ACP7: variants seen among roughly 807,000 people sequenced by gnomAD.
The protein encoded by ACP7 is acid phosphatase type 7.
A neutral mutation model predicts 60.6 loss-of-function variants in ACP7; 58 were observed. The observed-to-expected ratio is 0.96, with a 90% confidence interval of 0.77 to 1.19. The LOEUF is 1.19. Among genes scored for constraint, ACP7 ranks in the 50% most tolerant of loss-of-function variants. The pLI, the probability that ACP7 is intolerant of heterozygous loss-of-function variation, is 0.00. For synonymous variants in ACP7, 237 were observed against 232.6 expected (o/e 1.02, Z -0.17); for missense variants, 574 against 596.2 (o/e 0.96, Z 0.39).
At position 39,101,146 on chromosome 19, in the gene ACP7, C is replaced by T; in HGVS notation, c.916-4C>T. On this transcript the variant is annotated splice_region_variant and splice_polypyrimidine_tract_variant and intron_variant, in intron 8 of 12. Coordinates refer to ENST00000331256, the MANE Select transcript of ACP7 (RefSeq NM_001004318.3). Reference sequence around the variant, plus strand: ...ACCCTCACCCGCTCATTCACCCTGCCCAGGTCCGCAAAGGCCTCCAAGGCA... The same window carrying T: ...ACCCTCACCCGCTCATTCACCCTGCTCAGGTCCGCAAAGGCCTCCAAGGCA... 6.2e-7 allele frequency: 1 copy of T among 1,614,098 alleles called. No individual in the cohort carries two copies.
At chr19:39,109,432 G>A (rs773773023) in intron 12 of ACP7, among the ~76,000 whole-genome samples, 4 of 152,096 alleles carry the variant, frequency 2.6e-5, no homozygotes, top group Non-Finnish European at 5.9e-5. Context: ...GAGGGTGGAT[G>A]CGCTGGCCAG....
At chr19:39,098,354 C>A in intron 2 of ACP7, 104 bp from the exon 3 acceptor site, 1 of 754,000 alleles carries the variant, frequency 1.3e-6, no homozygotes, top group Non-Finnish European at 1.9e-6. Context: ...TGTCCTTAAC[C>A]ACTAACTGTT....
chr19:39,087,654 G>A (rs139454671), intron 2 of ACP7, among the ~76,000 whole-genome samples: 38 of 139,092 alleles, frequency 2.7e-4, no homozygotes, highest in Admixed American at 9.0e-4. Context: ...TTTTTTTTGA[G>A]ATGGAGCCTC....
intron 11 of ACP7, among the ~76,000 whole-genome samples, chr19:39,104,755 G>T (rs1234831636): frequency 1.3e-5 from 2 of 151,884 alleles, no homozygotes; most frequent in African/African-American, 4.8e-5. Context: ...CATGGTGGTG[G>T]GCACCTGTAA....
At chr19:39,096,342 T>C (rs530653360) in intron 2 of ACP7, among the ~76,000 whole-genome samples, 2 of 152,188 alleles carry the variant, frequency 1.3e-5, no homozygotes, top group South Asian at 2.1e-4. Flanking sequence ...AAAGTTCCAA[T>C]AATCTCCAGG....
Position 39,100,163 on chromosome 19 carries a change from T to C in ACP7, c.506-64T>C, listed in dbSNP as rs1017629064. On this transcript the variant is annotated intron_variant, in intron 4 of 12. Coordinates refer to ENST00000331256, the MANE Select transcript of ACP7 (RefSeq NM_001004318.3). The stretch of plus-strand genomic sequence containing the variant: ...AGGTGTGAGTCACCATACCTGGCTC[T>C]CTCAATTCCAGTGAAAGCAGAGCTG... 1.5e-5 allele frequency: 24 copies of C among 1,593,120 alleles called. No homozygotes were observed. The Admixed American group carries it at 4.1e-4, about 27-fold the overall frequency.
chr19:39,092,979 T>C (rs965711524), intron 2 of ACP7, among the ~76,000 whole-genome samples: 5 of 151,932 alleles, frequency 3.3e-5, no homozygotes, highest in African/African-American at 1.2e-4. Flanking sequence ...GGTTTCACTA[T>C]GTTGGCCAGG....
rs535285178 is a variant in ACP7, at chr19:39,107,955, G to T, written c.1251+871G>T. 8.5e-5 allele frequency among the ~76,000 whole-genome samples: 13 copies of T among 152,182 alleles called. No homozygotes were observed. The South Asian group carries it at 2.7e-3, about 32-fold the overall frequency. On this transcript the variant is annotated intron_variant, in intron 12 of 12. Coordinates refer to ENST00000331256, the MANE Select transcript of ACP7 (RefSeq NM_001004318.3). ...AGTCCCAGCTACTTGGGAGGCTGAG[G>T]CAGGAGGATCACTTGAGTGCAGGAG...
Position 39,100,368 on chromosome 19 carries a change from T to G in ACP7, c.629+18T>G. On this transcript the variant is annotated intron_variant, in intron 5 of 12. Transcript: ENST00000331256. ...GAACGCTAGTGAGGACTGAGGGTGG[T>G]GGCGGTGGGCGAGGGCTGGATCAAT... is the stretch of plus-strand genomic sequence containing the variant. 1.9e-6 allele frequency: 3 copies of G among 1,613,178 alleles called. No homozygotes were observed. The highest frequency in any genetic ancestry group is 2.5e-6 in the Non-Finnish European group (3 of 1,179,352).
chr19:39,088,726 G>GGTTT lies in ACP7; in HGVS notation c.121+3369_121+3372dup, dbSNP rs72337815. 5.8e-3 allele frequency among the ~76,000 whole-genome samples: 869 copies of GGTTT among 150,046 alleles called. 11 individuals carry two copies. Among genetic ancestry groups the GGTTT allele is most frequent in the East Asian group, 0.017 (86 of 5,048 alleles). On this transcript the variant is annotated intron_variant, in intron 2 of 12. Transcript: ENST00000331256. ...AGCTCAGAAGCCCACGATCTTTGTG[G>GGTTT]GTTTGTTTGTTTGTTTGTTTGTTTG...
intron 2 of ACP7, among the ~76,000 whole-genome samples, chr19:39,096,621 T>C (rs553680691): frequency 1.3e-5 from 2 of 152,282 alleles, no homozygotes; most frequent in East Asian, 1.9e-4. Flanking sequence ...TTTTCAGGTA[T>C]CTTTTCAGCA....
intron 2 of ACP7, among the ~76,000 whole-genome samples, chr19:39,088,751 G>C (rs1435482057): frequency 2.3e-5 from 3 of 132,436 alleles, no homozygotes; most frequent in Non-Finnish European, 5.2e-5. Flanking sequence ...TTGTTTGTTT[G>C]TTTGTTTGTT....
intron 11 of ACP7, among the ~76,000 whole-genome samples, chr19:39,101,942 C>A (rs76509673): frequency 2.7e-3 from 329 of 122,638 alleles, no homozygotes; most frequent in Admixed American, 3.1e-3. Flanking sequence ...CTTGTCTATA[C>A]AAAAAAAAAA....
At chr19:39,102,731 CTT>C (rs753805130) in intron 11 of ACP7, among the ~76,000 whole-genome samples, 1 of 80,440 alleles carries the variant, frequency 1.2e-5, no homozygotes, top group Non-Finnish European at 2.6e-5. Flanking sequence ...TTCTTTCTTT[CTT>C]TCTTTCTTTC....
chr19:39,084,128 G>A (rs967833060), upstream of ACP7, among the ~76,000 whole-genome samples: 2 of 152,122 alleles, frequency 1.3e-5, no homozygotes, highest in Admixed American at 6.5e-5. Context: ...GAGGTGGCGC[G>A]CCGGAGACGT....
Position 39,099,497 on chromosome 19 carries a change from T to G in ACP7, c.505+355T>G, listed in dbSNP as rs1055308250. On this transcript the variant is annotated intron_variant, in intron 4 of 12. Transcript: ENST00000331256. ...GGGTGCAGGTGCACTTCGGTGTCCT[T>G]GTGCTGGTTATTATTATTATTGCTG... Among the ~76,000 whole-genome samples, 14 of 152,164 alleles carry G rather than the reference T, an allele frequency of 9.2e-5. No individual in the cohort carries two copies. The East Asian group carries it at 2.7e-3, about 29-fold the overall frequency.
rs1375190291 is a variant in ACP7, at chr19:39,100,953, C to A, written c.812C>A (p.Ala271Asp). The A allele has an allele frequency of 1.2e-6, 2 of 1,612,854 alleles. No individual in the cohort carries two copies. The highest frequency in any genetic ancestry group is 2.2e-5 in the East Asian group (1 of 44,818). The change falls in exon 8 of 13, where the codon GCC becomes GAC. Residue 271 changes from alanine to aspartate, a missense_variant. By Grantham distance (126) the Ala-to-Asp change is moderately radical (BLOSUM62 -2). Coordinates refer to ENST00000331256, the MANE Select transcript of ACP7 (RefSeq NM_001004318.3). ...FRWLESDLQK[A>D]NKNRAARPWI... is the part of the protein sequence containing the mutation. ...ACCCTGGGCCCTTCTCCCTAGAAAG[C>A]CAATAAGAACCGGGCAGCCCGGCCG...
chr19:39,098,866 C>A, intron 3 of ACP7, 94 bp from the exon 4 acceptor site: 1 of 1,497,790 alleles, frequency 6.7e-7, no homozygotes, highest in Non-Finnish European at 9.0e-7. Flanking sequence ...CCAGTCCCCC[C>A]ATCTCCTCCC....
chr19:39,085,600 G>A (rs1403251218), intron 2 of ACP7, among the ~76,000 whole-genome samples: 1 of 152,286 alleles, frequency 6.6e-6, no homozygotes, highest in Middle Eastern at 3.4e-3. Context: ...CCCACAGAGA[G>A]TGCTCCCCTG....
Sources: gnomAD v4.1 joint callset for allele counts (sites outside exome capture counted in the v4.1 genomes callset) on GRCh38, gnomAD v4.1.1 for gene constraint, MANE v1.5 for transcripts, NCBI Gene and HGNC (gene_info 2026-07-23, HGNC 2026-07-21) for gene names.